The following MYRF variants were observed in gnomAD, a reference collection of about 807,000 sequenced individuals.
The protein encoded by MYRF is myelin gene regulatory factor.
In MYRF, 16 loss-of-function variants were observed where a neutral mutation model predicts 126.3. The ratio of observed to expected loss-of-function variants is 0.13; its 90% CI spans 0.09 to 0.19. The LOEUF is 0.19. Ranked by LOEUF, MYRF falls within the 10% of genes least tolerant of loss-of-function variation. The pLI is 1.00. For missense variants in MYRF, 1,104 were observed against 1,547.0 expected, an observed-to-expected ratio of 0.71 and a Z score of 4.80; for synonymous variants, 608 against 635.3, an observed-to-expected ratio of 0.96 and a Z score of 0.65.
At position 61,770,351 on chromosome 11, in the gene MYRF, C is replaced by T. The variant is rs748557321; in HGVS notation, c.566C>T (p.Pro189Leu). 39 of 1,503,220 alleles carry T rather than the reference C, an allele frequency of 2.6e-5. 1 individual carries two copies. The highest frequency in any genetic ancestry group is 5.9e-5 in the Admixed American group (3 of 50,552). The allele number at this position is 1,503,220 out of a possible 1,614,324, so 93.1% of individuals were successfully genotyped here. A position where few individuals can be genotyped will look rare whatever the true frequency, so the allele number is the denominator to read the frequency against. The change falls in exon 5 of 27, where the codon CCG (proline) becomes CTG (leucine). Residue 189 changes from proline (P) to leucine (L), a missense_variant. Pro to Leu is a moderately conservative substitution (Grantham distance 98, BLOSUM62 -3). Transcript: ENST00000278836. ...PPPPAHLPGP[P>L]PPPPPPPHYP... is the part of the protein sequence containing the mutation. ...CCTCCAGCCCACTTGCCAGGCCCCC[C>T]GCCACCCCCACCACCCCCACCTCAC...
rs2066691644 is a variant in MYRF, at chr11:61,786,212, A to G, written c.*69A>G. 3 of 1,454,428 alleles carry G rather than the reference A, an allele frequency of 2.1e-6. No homozygotes were observed. Among genetic ancestry groups the G allele is most frequent in the Non-Finnish European group, 2.9e-6 (3 of 1,037,668 alleles). 90.1% of individuals were successfully genotyped at this position (1,454,428 alleles called of 1,614,324 possible). On this transcript the variant is annotated 3_prime_UTR_variant, in exon 27 of 27. Coordinates refer to ENST00000278836, the MANE Select transcript of MYRF (RefSeq NM_001127392.3). The surrounding 1 kb of genome is among the most constrained non-coding windows in gnomAD (Gnocchi z 4.5). ...CAGGCACCCCCCAACACTGGATGCA[A>G]TGGTGTTACACTGGAGCCCGCTGCA...
intron 1 of MYRF, among the ~76,000 whole-genome samples, chr11:61,760,577 G>A (rs1025207031): frequency 1.3e-5 from 2 of 152,240 alleles, no homozygotes; most frequent in African/African-American, 2.4e-5. Flanking sequence ...TCTGGAGCAC[G>A]TGTGCAGCAA....
Position 61,777,322 on chromosome 11 carries a change from T to A in MYRF, c.1649T>A (p.Val550Glu). The change falls in exon 12 of 27, where the codon GTG becomes GAG. Residue 550 changes from valine (V) to glutamate (E), a missense_variant. Physicochemically the swap from Val to Glu is moderately radical, Grantham distance 121. This residue lies in a region of MYRF where 48 missense variants were observed against 148.2 expected (regional missense o/e 0.32). Transcript: ENST00000278836. The surrounding 1 kb of genome is among the most constrained non-coding windows in gnomAD (Gnocchi z 8.8). ...GATGTGTTGTGGCAGCGGGCACAGG[T>A]GCCCGACACCGTCTTCCACCACGGC... The part of the protein sequence containing the change: ...DSDVLWQRAQ[V>E]PDTVFHHGRV... 6.2e-7 allele frequency: 1 copy of A among 1,613,098 alleles called. No homozygotes were observed. Among genetic ancestry groups the A allele is most frequent in the South Asian group, 1.1e-5 (1 of 91,080 alleles).
At chr11:61,764,113 A>G (rs192745519) in intron 1 of MYRF, among the ~76,000 whole-genome samples, 3 of 152,236 alleles carry the variant, frequency 2.0e-5, no homozygotes, top group Admixed American at 6.5e-5. Flanking sequence ...CCTTGTTCCT[A>G]GCTGGGCGAG....
chr11:61,769,512 T>G (rs1196025209), intron 4 of MYRF, among the ~76,000 whole-genome samples, 191 bp downstream of exon 4: 1 of 152,188 alleles, frequency 6.6e-6, no homozygotes. Context: ...GCCCTGCCTC[T>G]GAGCAAGTAT....
intron 2 of MYRF, 34 bp from the exon 3 acceptor site, chr11:61,765,924 C>T (rs1245967491): frequency 1.4e-6 from 2 of 1,472,040 alleles, no homozygotes; most frequent in Admixed American, 5.0e-5. Context: ...GGCTGGGGTC[C>T]TGGCTGGAGC....
intron 4 of MYRF, among the ~76,000 whole-genome samples, chr11:61,769,662 C>T (rs374707479): frequency 1.3e-5 from 2 of 152,154 alleles, no homozygotes; most frequent in African/African-American, 4.8e-5. Context: ...TTAGAGGGTG[C>T]TCAGGGGTGC....
chr11:61,765,536 G>C, intron 1 of MYRF, 89 bp from the exon 2 acceptor site: 1 of 1,087,894 alleles, frequency 9.2e-7, no homozygotes, highest in Non-Finnish European at 1.3e-6. Context: ...TGGAGGGCCA[G>C]CCTGGGCAGG....
At chr11:61,765,563 C>T (rs2066032449) in intron 1 of MYRF, 62 bp from the exon 2 acceptor site, 17 of 1,408,262 alleles carry the variant, frequency 1.2e-5, no homozygotes, top group Non-Finnish European at 1.5e-5. Flanking sequence ...GGGCTGGGCC[C>T]TGAAGCCCAG....
At chr11:61,785,907 C>CT in intron 26 of MYRF, 33 bp downstream of exon 26, 1 of 1,603,370 alleles carries the variant, frequency 6.2e-7, no homozygotes, top group Non-Finnish European at 8.5e-7. Flanking sequence ...CCCTGGAGGT[C>CT]TGGGCACCCC....
At chr11:61,763,918 T>A (rs2065974205) in intron 1 of MYRF, among the ~76,000 whole-genome samples, 1 of 152,152 alleles carries the variant, frequency 6.6e-6, no homozygotes, top group Admixed American at 6.5e-5. Flanking sequence ...TGTATTTGAT[T>A]CACAAAATGC....
intron 1 of MYRF, among the ~76,000 whole-genome samples, chr11:61,761,643 G>A (rs1272379871): frequency 6.6e-6 from 1 of 152,244 alleles, no homozygotes; most frequent in Non-Finnish European, 1.5e-5. Flanking sequence ...CTGGCCACTT[G>A]GCTCATCCAC....
chr11:61,781,004 T>C lies in MYRF; in HGVS notation c.2531T>C (p.Leu844Ser), dbSNP rs1404840512. The change falls in exon 20 of 27, where the codon TTG becomes TCG. Residue 844 changes from leucine to serine, a missense_variant. Leu to Ser is a moderately radical substitution (Grantham distance 145). Around this residue, in one of 10 missense-constraint regions of MYRF, gnomAD observed 323 missense variants for 383.1 expected, o/e 0.84. Coordinates refer to ENST00000278836, the MANE Select transcript of MYRF (RefSeq NM_001127392.3). The part of the protein sequence containing the change: ...FGTTQLRQSP[L>S]TTGLPGIQPS... ...ACCACGCAGCTCCGACAGTCCCCCT[T>C]GACCACGGGGCTACCAGGCATACAG... is the stretch of plus-strand genomic sequence containing the variant. 6.2e-7 allele frequency: 1 copy of C among 1,610,174 alleles called. No individual in the cohort carries two copies. Among genetic ancestry groups the C allele is most frequent in the Non-Finnish European group, 8.5e-7 (1 of 1,179,990 alleles).
Position 61,778,253 on chromosome 11 carries a change from C to G in MYRF, c.1904-127C>G. 1 of 712,080 alleles carries G rather than the reference C, an allele frequency of 1.4e-6. No homozygotes were observed. The highest frequency in any genetic ancestry group is 1.6e-5 in the South Asian group (1 of 62,016). 44.1% of individuals were successfully genotyped at this position (712,080 alleles called of 1,614,324 possible). A position where few individuals can be genotyped will look rare whatever the true frequency, so the allele number is the denominator to read the frequency against. ...GTGGGATCTCCCTGCTCCAGGGCTC[C>G]TTGGAATCCAAATCTCTGGGTTCCA... On this transcript the variant is annotated intron_variant, in intron 13 of 26. Transcript: ENST00000278836. The surrounding 1 kb of genome is among the most constrained non-coding windows in gnomAD (Gnocchi z 4.6).
chr11:61,760,231 T>A (rs1342596273), intron 1 of MYRF, among the ~76,000 whole-genome samples: 1 of 152,210 alleles, frequency 6.6e-6, no homozygotes, highest in Middle Eastern at 3.4e-3. Flanking sequence ...CCTCCCAAAG[T>A]GCTGGGATTA....
intron 7 of MYRF, among the ~76,000 whole-genome samples, chr11:61,773,609 C>A: frequency 6.6e-6 from 1 of 152,300 alleles, no homozygotes; most frequent in South Asian, 2.1e-4. Context: ...GGGCTTCAGG[C>A]AGCCTTCTGG....
Position 61,779,385 on chromosome 11 carries a change from C to G in MYRF, c.2136C>G (p.Leu712=). Reference sequence around the variant, plus strand: ...ACAAGCTGGCCAAGCTGCGGCGGCTCGACAGCCTCAAGTCCACCGGCAGCT... The same window carrying G: ...ACAAGCTGGCCAAGCTGCGGCGGCTGGACAGCCTCAAGTCCACCGGCAGCT... ...WSHKLAKLRR[L]DSLKSTGSSG... Residue 712 remains leucine, a synonymous_variant, in exon 15 of 27, where the codon CTC becomes CTG. Transcript: ENST00000278836. The G allele has an allele frequency of 6.4e-7, 1 of 1,551,180 alleles. No individual in the cohort carries two copies. Among genetic ancestry groups the G allele is most frequent in the Non-Finnish European group, 8.7e-7 (1 of 1,146,930 alleles).
chr11:61,764,120 C>T (rs1015933203), intron 1 of MYRF, among the ~76,000 whole-genome samples: 7 of 152,288 alleles, frequency 4.6e-5, no homozygotes, highest in African/African-American at 1.2e-4. Context: ...CCTAGCTGGG[C>T]GAGCTGGGGG....
intron 16 of MYRF, 31 bp from the exon 17 acceptor site, chr11:61,779,809 CTT>C (rs1262355528): frequency 6.2e-7 from 1 of 1,602,590 alleles, no homozygotes; most frequent in Admixed American, 1.7e-5. Flanking sequence ...GCCTGGCCCT[CTT>C]TGCATTTGCA....
Sources: gnomAD v4.1 joint callset for allele counts (sites outside exome capture counted in the v4.1 genomes callset) on GRCh38, gnomAD v4.1.1 for gene constraint, gnomAD v4.1.1 regional missense constraint, Gnocchi (gnomAD v3.1) non-coding constraint, MANE v1.5 for transcripts, NCBI Gene and HGNC (gene_info 2026-07-23, HGNC 2026-07-21) for gene names.